LMO7: variants seen among roughly 807,000 people sequenced by gnomAD.
The protein encoded by LMO7 is LIM domain only protein 7.
LMO7 carries 120 observed loss-of-function variants against 206.5 expected under a neutral mutation model. The observed-to-expected ratio is 0.58, with a 90% CI of 0.50 to 0.68. The LOEUF (loss-of-function observed/expected upper bound fraction) is 0.68. Among genes scored for constraint, LMO7 ranks in the 30% least tolerant of loss-of-function variants. The pLI is 0.00. For synonymous variants in LMO7, 706 were observed against 681.5 expected (o/e 1.04, Z -0.56); for missense variants, 1,959 against 1,957.9 (o/e 1.00, Z -0.01).
chr13:75,820,814 GA>G (rs2057494856), intron 13 of LMO7, among the ~76,000 whole-genome samples: 1 of 152,024 alleles, frequency 6.6e-6, no homozygotes, highest in South Asian at 2.1e-4. Flanking sequence ...CCAATATGTT[GA>G]AACCTCATCT....
At chr13:75,817,353 C>CTCAAGACCATT in intron 12 of LMO7, 75 bp downstream of exon 12, 1 of 874,322 alleles carries the variant, frequency 1.1e-6, no homozygotes, top group East Asian at 2.5e-5. Flanking sequence ...AGTCAATATA[C>CTCAAGACCATT]TCAAGACCAT....
chr13:75,654,740 T>C (rs761871393), intron 1 of LMO7, among the ~76,000 whole-genome samples: 5 of 152,212 alleles, frequency 3.3e-5, no homozygotes, highest in Non-Finnish European at 5.9e-5. Flanking sequence ...TTACCTAGGA[T>C]CTTGGTCTAT....
intron 1 of LMO7, among the ~76,000 whole-genome samples, chr13:75,675,116 G>A (rs1345048522): frequency 1.4e-5 from 2 of 146,312 alleles, no homozygotes; most frequent in African/African-American, 2.5e-5. Context: ...TTGCTGTGTC[G>A]CCCAGGCTGG....
At position 75,747,893 on chromosome 13, in the gene LMO7, C is replaced by T. The variant is rs75539369; in HGVS notation, c.211-13039C>T. ...GCATCCCTGTAAGAGGAAGATGGAA[C>T]GAGGAGAGGGAGAACCAGATAGATG... On this transcript the variant is annotated intron_variant, in intron 3 of 30. Coordinates refer to ENST00000377534, the MANE Select transcript of LMO7 (RefSeq NM_001306080.2). Among the ~76,000 whole-genome samples, 53 of 152,192 alleles carry T rather than the reference C, an allele frequency of 3.5e-4. No individual in the cohort carries two copies. In the East Asian group the frequency reaches 8.1e-3, roughly 23 times the overall value.
At chr13:75,849,419 T>C (rs1383805660) in intron 27 of LMO7, 127 bp downstream of exon 27, 5 of 663,338 alleles carry the variant, frequency 7.5e-6, no homozygotes, top group African/African-American at 1.8e-5. Context: ...GGCACTATTA[T>C]GTGTCAGTTT....
chr13:75,642,895 G>A (rs1280951808), intron 1 of LMO7, among the ~76,000 whole-genome samples: 1 of 152,172 alleles, frequency 6.6e-6, no homozygotes, highest in Non-Finnish European at 1.5e-5. Flanking sequence ...ATGACCCATT[G>A]GGTTTCCTCC....
chr13:75,757,509 C>T (rs2047767583), intron 3 of LMO7, among the ~76,000 whole-genome samples: 2 of 152,028 alleles, frequency 1.3e-5, no homozygotes, highest in South Asian at 4.1e-4. Flanking sequence ...CCCATCCTAC[C>T]TCAGTGGTAA....
chr13:75,717,585 T>C (rs1262933126), intron 2 of LMO7, among the ~76,000 whole-genome samples: 3 of 151,710 alleles, frequency 2.0e-5, no homozygotes, highest in Non-Finnish European at 2.9e-5. Flanking sequence ...TAGAAAAATA[T>C]ATATTTTTTT....
chr13:75,644,459 G>A (rs1379094248), intron 1 of LMO7, among the ~76,000 whole-genome samples: 3 of 152,128 alleles, frequency 2.0e-5, no homozygotes, highest in African/African-American at 7.2e-5. Context: ...AATCAGAAAA[G>A]AATGGGCTCT....
chr13:75,793,502 C>T (rs1056366326), intron 4 of LMO7, among the ~76,000 whole-genome samples: 7 of 152,148 alleles, frequency 4.6e-5, no homozygotes, highest in Non-Finnish European at 1.0e-4. Context: ...TCTTGAACTC[C>T]TGACCTTAGG....
At chr13:75,647,900 G>GCTCC (rs1032189099) in intron 1 of LMO7, among the ~76,000 whole-genome samples, 1 of 150,494 alleles carries the variant, frequency 6.6e-6, no homozygotes, top group Non-Finnish European at 1.5e-5. Context: ...GGAAGCTGAA[G>GCTCC]CTCCTGATCT....
intron 1 of LMO7, among the ~76,000 whole-genome samples, chr13:75,645,966 C>A (rs1170174172): frequency 6.6e-6 from 1 of 152,150 alleles, no homozygotes; most frequent in African/African-American, 2.4e-5. Flanking sequence ...CATTCCTGAC[C>A]CTGACCTTGT....
At chr13:75,678,055 G>A (rs1201122220) in intron 1 of LMO7, among the ~76,000 whole-genome samples, 2 of 151,982 alleles carry the variant, frequency 1.3e-5, no homozygotes, top group South Asian at 2.1e-4. Context: ...TTGGACATTT[G>A]GCTTGGTTCC....
intron 11 of LMO7, among the ~76,000 whole-genome samples, chr13:75,809,388 T>A (rs1000968387): frequency 6.6e-6 from 1 of 152,148 alleles, no homozygotes; most frequent in African/African-American, 2.4e-5. Flanking sequence ...ATTTGTTTTA[T>A]TAAAAATTTA....
intron 30 of LMO7, chr13:75,857,396 A>T (rs185574730): frequency 6.6e-6 from 1 of 152,276 alleles, no homozygotes; most frequent in East Asian, 1.9e-4. Flanking sequence ...TGAGGTATTT[A>T]TATGGCCCCT....
At chr13:75,765,352 A>G (rs1400482537) in intron 4 of LMO7, among the ~76,000 whole-genome samples, 1 of 148,780 alleles carries the variant, frequency 6.7e-6, no homozygotes, top group Non-Finnish European at 1.5e-5. Context: ...CTTTCAAATG[A>G]GTTTCTCAAC....
chr13:75,654,686 T>G (rs1390086369), intron 1 of LMO7, among the ~76,000 whole-genome samples: 1 of 152,228 alleles, frequency 6.6e-6, no homozygotes, highest in African/African-American at 2.4e-5. Context: ...CAGGATTTTC[T>G]TTGTGATTTT....
In LMO7 at chr13:75,773,728, CAGT is replaced by C. The variant is rs571872596; in HGVS notation, c.317+12693_317+12695del. On this transcript the variant is annotated intron_variant, in intron 4 of 30. Transcript: ENST00000377534. ...TTTTGACACATTGTGTTGGATGTGA[CAGT>C]AGAACATTCAAATGGAAATATAGGC... Among the ~76,000 whole-genome samples, 143 of 152,190 alleles carry C rather than the reference CAGT, an allele frequency of 9.4e-4. 1 individual carries two copies. Among genetic ancestry groups the C allele is most frequent in the Middle Eastern group, 3.4e-3 (1 of 294 alleles).
At chr13:75,652,027 T>C (rs1162727894) in intron 1 of LMO7, among the ~76,000 whole-genome samples, 1 of 152,234 alleles carries the variant, frequency 6.6e-6, no homozygotes, top group Admixed American at 6.5e-5. Context: ...TTGATAATGT[T>C]CAATTGTATC....
Sources: gnomAD v4.1 joint callset for allele counts (sites outside exome capture counted in the v4.1 genomes callset) on GRCh38, gnomAD v4.1.1 for gene constraint, MANE v1.5 for transcripts, NCBI Gene and HGNC (gene_info 2026-07-23, HGNC 2026-07-21) for gene names.